The following ZBTB46 variants were observed in gnomAD, a reference collection of about 807,000 sequenced individuals.
The protein encoded by ZBTB46 is zinc finger and BTB domain containing 46, also known as zinc finger and BTB domain-containing protein 46.
Under a neutral mutation model 44.1 loss-of-function variants are expected in ZBTB46, and 8 were observed. The observed-to-expected ratio is 0.18, with a 90% CI of 0.11 to 0.33. The LOEUF (loss-of-function observed/expected upper bound fraction) is 0.33, where lower values mean the gene tolerates loss of function less well. ZBTB46 is among the 10% of genes least tolerant of loss of function. The pLI is 1.00. For synonymous variants in ZBTB46, 409 were observed against 382.3 expected (o/e 1.07, Z -0.81); for missense variants, 651 against 847.7 (o/e 0.77, Z 2.88).
intron 3 of ZBTB46, among the ~76,000 whole-genome samples, chr20:63,765,124 T>C (rs950403896): frequency 6.6e-6 from 1 of 151,620 alleles, no homozygotes; most frequent in Non-Finnish European, 1.5e-5. Flanking sequence ...TGTGTGCGTG[T>C]GTGTGTGTGT....
chr20:63,801,550 T>C (rs1383028864), intron 1 of ZBTB46, among the ~76,000 whole-genome samples: 1 of 152,160 alleles, frequency 6.6e-6, no homozygotes, highest in Admixed American at 6.5e-5. Context: ...AAAGTGTTGT[T>C]CTTTTGCTCT....
chr20:63,764,061 T>C (rs2092298716), intron 3 of ZBTB46, among the ~76,000 whole-genome samples: 1 of 151,942 alleles, frequency 6.6e-6, no homozygotes, highest in South Asian at 2.1e-4. Context: ...CTCGACCTCC[T>C]GGGCTCAAGC....
intron 1 of ZBTB46, among the ~76,000 whole-genome samples, chr20:63,824,331 C>T (rs1334739870): frequency 6.6e-6 from 1 of 152,132 alleles, no homozygotes; most frequent in Non-Finnish European, 1.5e-5. Context: ...CCTAAGCTGG[C>T]TTTGAACTTG....
chr20:63,786,101 C>G (rs749328927), intron 2 of ZBTB46, among the ~76,000 whole-genome samples: 1 of 152,190 alleles, frequency 6.6e-6, no homozygotes, highest in African/African-American at 2.4e-5. Context: ...GGAGGGGCCT[C>G]GCTGTGCTGA....
chr20:63,791,811 C>T (rs55643250), intron 1 of ZBTB46, among the ~76,000 whole-genome samples: 11,696 of 152,232 alleles, frequency 0.077, 895 homozygotes, highest in East Asian at 0.43. Flanking sequence ...GAATTGGGTA[C>T]ACCCCGTCCC....
At chr20:63,751,715 T>C (rs1386217897) in intron 4 of ZBTB46, among the ~76,000 whole-genome samples, 1 of 64,344 alleles carries the variant, frequency 1.6e-5, no homozygotes, top group Admixed American at 1.6e-4. Context: ...CGCCCCCCGG[T>C]GGGTCGCACC....
chr20:63,759,014 G>A (rs979558224), intron 3 of ZBTB46, among the ~76,000 whole-genome samples: 8 of 152,224 alleles, frequency 5.3e-5, no homozygotes, highest in African/African-American at 1.4e-4. Flanking sequence ...TGACAGGCGT[G>A]AGCCATGGTG....
intron 3 of ZBTB46, among the ~76,000 whole-genome samples, chr20:63,773,126 C>A (rs1294193424): frequency 6.6e-6 from 1 of 152,146 alleles, no homozygotes; most frequent in African/African-American, 2.4e-5. Flanking sequence ...GCTGCACACA[C>A]AAACCAGCAA....
At chr20:63,776,127 C>T (rs1434348542) in intron 2 of ZBTB46, among the ~76,000 whole-genome samples, 165 bp from the exon 3 acceptor site, 2 of 152,254 alleles carry the variant, frequency 1.3e-5, no homozygotes, top group Admixed American at 1.3e-4. Flanking sequence ...AGCAATGCAG[C>T]AGCCTCGGCC....
At chr20:63,808,452 C>T (rs2092696364) in intron 1 of ZBTB46, among the ~76,000 whole-genome samples, 1 of 152,148 alleles carries the variant, frequency 6.6e-6, no homozygotes, top group African/African-American at 2.4e-5. Context: ...CATCCGGACC[C>T]ACAAGGAGTC....
chr20:63,747,106 C>T lies in ZBTB46; in HGVS notation c.1594G>A (p.Gly532Arg), dbSNP rs762988227. 1.7e-5 allele frequency: 27 copies of T among 1,609,934 alleles called. No individual in the cohort carries two copies. The Middle Eastern group carries it at 6.6e-4, about 39-fold the overall frequency. The change falls in exon 5 of 5, where the codon GGG (glycine) becomes AGG (arginine). Residue 532 changes from glycine (G) to arginine (R), a missense_variant. Around this residue, in one of 5 missense-constraint regions of ZBTB46, gnomAD observed 75 missense variants for 107.8 expected, o/e 0.70. Transcript: ENST00000245663. ...GSPEALFPGD[G>R]PYLEDPEDPR... ...TCCTCAGGGTCCTCCAGATAGGGCC[C>T]GTCGCCTGGGAACAGCGCCTCTGGA...
chr20:63,779,523 C>G (rs1389243264), intron 2 of ZBTB46, among the ~76,000 whole-genome samples: 1 of 150,506 alleles, frequency 6.6e-6, no homozygotes, highest in African/African-American at 2.5e-5. Context: ...AGGTTCACGC[C>G]ATTCTCCTGC....
chr20:63,746,947 A>G lies in ZBTB46; in HGVS notation c.1753T>C (p.Phe585Leu), dbSNP rs2145739725. ...GGGCGGGCCTAGGAGAGCCAGGCGA[A>G]GTCCTTGTCAGGGCCTCCTGGGGGG... is the stretch of plus-strand genomic sequence containing the variant. ...RSPPGGPDKD[F>L]AWLS The change falls in exon 5 of 5, where the codon TTC (phenylalanine) becomes CTC (leucine). Residue 585 changes from phenylalanine to leucine, a missense_variant. By Grantham distance (22) the Phe-to-Leu change is conservative. Transcript: ENST00000245663. 2 of 1,572,770 alleles carry G rather than the reference A, an allele frequency of 1.3e-6. No homozygotes were observed. The highest frequency in any genetic ancestry group is 1.7e-4 in the Middle Eastern group (1 of 5,894).
chr20:63,832,745 C>G (rs1345495410), upstream of ZBTB46, among the ~76,000 whole-genome samples: 2 of 151,802 alleles, frequency 1.3e-5, no homozygotes. The surrounding 1 kb of genome is among the most constrained non-coding windows in gnomAD (Gnocchi z 5.0). Flanking sequence ...CTCGGTGGCA[C>G]TGCCTGCTCT....
chr20:63,800,771 C>G (rs2092638039), intron 1 of ZBTB46, among the ~76,000 whole-genome samples: 1 of 152,240 alleles, frequency 6.6e-6, no homozygotes, highest in African/African-American at 2.4e-5. Flanking sequence ...AGCTGCCTCC[C>G]CTCAGGGCAG....
intron 2 of ZBTB46, among the ~76,000 whole-genome samples, chr20:63,786,752 C>T (rs968350359): frequency 1.3e-5 from 2 of 152,102 alleles, no homozygotes; most frequent in African/African-American, 2.4e-5. Flanking sequence ...CCTTGTGATC[C>T]GCCCGCCTTG....
intron 1 of ZBTB46, among the ~76,000 whole-genome samples, chr20:63,818,184 G>A (rs1000088133): frequency 1.3e-5 from 2 of 152,356 alleles, no homozygotes; most frequent in South Asian, 4.1e-4. Flanking sequence ...AGCTGGACAA[G>A]GGCGCTGGGG....
At chr20:63,759,213 T>C (rs1231297271) in intron 3 of ZBTB46, among the ~76,000 whole-genome samples, 1 of 152,230 alleles carries the variant, frequency 6.6e-6, no homozygotes, top group Non-Finnish European at 1.5e-5. Context: ...GAAACTCTGT[T>C]ATTTATAGAA....
intron 1 of ZBTB46, among the ~76,000 whole-genome samples, chr20:63,807,850 C>A (rs964478448): frequency 6.6e-6 from 1 of 152,290 alleles, no homozygotes; most frequent in South Asian, 2.1e-4. Context: ...CAGAGCGGGG[C>A]TCGCCCGGTG....
Sources: gnomAD v4.1 joint callset for allele counts (sites outside exome capture counted in the v4.1 genomes callset) on GRCh38, gnomAD v4.1.1 for gene constraint, gnomAD v4.1.1 regional missense constraint, Gnocchi (gnomAD v3.1) non-coding constraint, MANE v1.5 for transcripts, NCBI Gene and HGNC (gene_info 2026-07-23, HGNC 2026-07-21) for gene names.